The following CHRM3 variants were observed in gnomAD, a reference collection of about 807,000 sequenced individuals.
CHRM3 encodes the protein muscarinic acetylcholine receptor M3.
A neutral mutation model predicts 41.8 loss-of-function variants in CHRM3; 11 were observed. The ratio of observed to expected loss-of-function variants is 0.26; its 90% CI spans 0.17 to 0.44. The LOEUF is 0.44. Among genes scored for constraint, CHRM3 ranks in the 20% least tolerant of loss-of-function variants. The pLI is 1.00. For synonymous variants in CHRM3, 297 were observed against 301.4 expected, an observed-to-expected ratio of 0.99 and a Z score of 0.15; for missense variants, 571 against 745.4, an observed-to-expected ratio of 0.77 and a Z score of 2.72.
intron 5 of CHRM3, among the ~76,000 whole-genome samples, chr1:239,681,118 A>G (rs1220003989): frequency 1.3e-5 from 2 of 152,150 alleles, no homozygotes; most frequent in Middle Eastern, 3.2e-3. Context: ...ACCAGTCTCC[A>G]TGATTCCATT....
chr1:239,483,409 G>A (rs1050451790), intron 1 of CHRM3, among the ~76,000 whole-genome samples: 5 of 152,194 alleles, frequency 3.3e-5, no homozygotes, highest in South Asian at 2.1e-4. Flanking sequence ...TCCTGTGTAC[G>A]GTCCTGGAAG....
rs771105124 is a variant in CHRM3, at chr1:239,908,857, T to C, written c.1406T>C (p.Leu469Pro). 2 of 1,614,134 alleles carry C rather than the reference T, an allele frequency of 1.2e-6. No homozygotes were observed. Among genetic ancestry groups the C allele is most frequent in the South Asian group, 1.1e-5 (1 of 91,076 alleles). ...KEATLAKRFA[L>P]KTRSQITKRK... Reference sequence around the variant, plus strand: ...GCCACTCTGGCCAAGAGGTTTGCTCTGAAGACCAGAAGTCAGATCACTAAG... The same window carrying C: ...GCCACTCTGGCCAAGAGGTTTGCTCCGAAGACCAGAAGTCAGATCACTAAG... Residue 469 changes from leucine to proline, a missense_variant, in exon 7 of 7, where the codon CTG (leucine) becomes CCG (proline). Leu to Pro is a moderately conservative substitution (Grantham distance 98). Transcript: ENST00000676153. The surrounding 1 kb of genome is among the most constrained non-coding windows in gnomAD (Gnocchi z 7.2).
chr1:239,605,588 G>A (rs1185044244), intron 3 of CHRM3, among the ~76,000 whole-genome samples: 2 of 151,488 alleles, frequency 1.3e-5, no homozygotes, highest in Non-Finnish European at 2.9e-5. Context: ...TAAGGAGAAT[G>A]TGTTTATGTT....
At chr1:239,772,727 T>C (rs1156312726) in intron 5 of CHRM3, among the ~76,000 whole-genome samples, 1 of 152,128 alleles carries the variant, frequency 6.6e-6, no homozygotes, top group Non-Finnish European at 1.5e-5. Flanking sequence ...TGACTCCCTC[T>C]CTATACAATT....
chr1:239,417,579 G>T (rs369799656), intron 1 of CHRM3, among the ~76,000 whole-genome samples: 592 of 122,376 alleles, frequency 4.8e-3, no homozygotes, highest in Middle Eastern at 9.3e-3. Flanking sequence ...AGATTAATTT[G>T]TTTTTTTTTT....
chr1:239,688,412 T>C (rs1659360049), intron 5 of CHRM3, among the ~76,000 whole-genome samples: 1 of 143,794 alleles, frequency 7.0e-6, no homozygotes, highest in Non-Finnish European at 1.5e-5. Context: ...TAAATATGTA[T>C]ATAAATATAT....
chr1:239,675,862 G>A (rs539844490), intron 4 of CHRM3, among the ~76,000 whole-genome samples: 2 of 152,202 alleles, frequency 1.3e-5, no homozygotes, highest in Admixed American at 1.3e-4. Context: ...AGAAAACATG[G>A]GAGGGAGGGA....
intron 1 of CHRM3, among the ~76,000 whole-genome samples, chr1:239,479,161 G>T (rs1666655193): frequency 6.6e-6 from 1 of 150,484 alleles, no homozygotes; most frequent in African/African-American, 2.5e-5. Flanking sequence ...TGCAGCCTGG[G>T]TGACAGAGTG....
chr1:239,404,451 A>G (rs1011749769), intron 1 of CHRM3, among the ~76,000 whole-genome samples: 2 of 140,572 alleles, frequency 1.4e-5, no homozygotes, highest in Admixed American at 7.2e-5. Context: ...AGAAAGAAAG[A>G]AAGAAAGAAA....
intron 2 of CHRM3, among the ~76,000 whole-genome samples, chr1:239,523,991 G>A (rs1669826778): frequency 6.6e-6 from 1 of 152,130 alleles, no homozygotes; most frequent in Non-Finnish European, 1.5e-5. Context: ...GCTACAGGAT[G>A]AAACTGACAG....
chr1:239,617,710 C>A (rs572612879), intron 3 of CHRM3, among the ~76,000 whole-genome samples: 1 of 152,152 alleles, frequency 6.6e-6, no homozygotes, highest in South Asian at 2.1e-4. Flanking sequence ...TTTATAAAGA[C>A]AATAAAATGT....
At chr1:239,615,239 T>C (rs1347652529) in intron 3 of CHRM3, among the ~76,000 whole-genome samples, 2 of 152,220 alleles carry the variant, frequency 1.3e-5, no homozygotes, top group African/African-American at 2.4e-5. Flanking sequence ...TTTCATGCTT[T>C]CAAAAACTTA....
intron 1 of CHRM3, among the ~76,000 whole-genome samples, chr1:239,473,351 A>G (rs1666260488): frequency 6.6e-6 from 1 of 151,964 alleles, no homozygotes; most frequent in East Asian, 1.9e-4. Flanking sequence ...ACCAAACTAG[A>G]TTGGCATTTA....
At chr1:239,479,387 C>T (rs1326402249) in intron 1 of CHRM3, among the ~76,000 whole-genome samples, 1 of 152,118 alleles carries the variant, frequency 6.6e-6, no homozygotes, top group African/African-American at 2.4e-5. Flanking sequence ...GAAAGGCACA[C>T]ATCATTAGTA....
At chr1:239,749,322 A>G (rs1665617762) in intron 5 of CHRM3, among the ~76,000 whole-genome samples, 1 of 152,060 alleles carries the variant, frequency 6.6e-6, no homozygotes, top group African/African-American at 2.4e-5. Flanking sequence ...CTACGGTGGG[A>G]GAGCAGAAGT....
At chr1:239,887,866 A>T (rs2102920533) in intron 6 of CHRM3, among the ~76,000 whole-genome samples, 1 of 152,324 alleles carries the variant, frequency 6.6e-6, no homozygotes, top group Admixed American at 6.5e-5. Context: ...TTATATTCAT[A>T]ATTTTGTATT....
intron 5 of CHRM3, among the ~76,000 whole-genome samples, chr1:239,762,907 C>T (rs1447862748): frequency 6.6e-6 from 1 of 152,084 alleles, no homozygotes; most frequent in Non-Finnish European, 1.5e-5. Context: ...ATGAAATTTC[C>T]TGTTGTTATA....
intron 5 of CHRM3, among the ~76,000 whole-genome samples, chr1:239,736,342 T>A (rs1664392740): frequency 6.6e-6 from 1 of 152,044 alleles, no homozygotes; most frequent in Non-Finnish European, 1.5e-5. Flanking sequence ...TAGTTTGTTA[T>A]TATTAGCTAA....
Position 239,908,498 on chromosome 1 carries a change from C to A in CHRM3, c.1047C>A (p.Ser349=), listed in dbSNP as rs200197901. Residue 349 remains serine, a synonymous_variant, in exon 7 of 7, where the codon TCC becomes TCA. Coordinates refer to ENST00000676153, the MANE Select transcript of CHRM3 (RefSeq NM_001375978.1). This position sits in a 1 kb window ranked among gnomAD's most constrained non-coding sequence, Gnocchi z 7.2. The stretch of plus-strand genomic sequence containing the variant: ...ATGCTGCTGCCTCCCTGGAGAACTC[C>A]GCCTCCTCCGACGAGGAGGACATTG... The part of the protein sequence containing the change: ...NNDAAASLEN[S]ASSDEEDIGS... 6.2e-7 allele frequency: 1 copy of A among 1,604,020 alleles called. No individual in the cohort carries two copies.
Sources: allele counts gnomAD v4.1 joint callset (sites outside exome capture counted in the v4.1 genomes callset), GRCh38; gene constraint gnomAD v4.1.1; non-coding constraint Gnocchi (gnomAD v3.1); transcripts MANE v1.5; gene names NCBI Gene and HGNC (gene_info 2026-07-23, HGNC 2026-07-21).